MTMR3: variants seen among roughly 807,000 people sequenced by gnomAD.
MTMR3 encodes the protein myotubularin related protein 3.
Under a neutral mutation model 132.4 loss-of-function variants are expected in MTMR3, and 32 were observed. The observed-to-expected ratio is 0.24, with a 90% CI of 0.18 to 0.32. The LOEUF (loss-of-function observed/expected upper bound fraction) is 0.32, where lower values mean the gene tolerates loss of function less well. Ranked by LOEUF, MTMR3 falls within the 10% of genes least tolerant of loss-of-function variation. MTMR3 has a pLI of 1.00. For synonymous variants in MTMR3, 556 were observed against 550.3 expected, an observed-to-expected ratio of 1.01 and a Z score of -0.14; for missense variants, 1,216 against 1,489.6, an observed-to-expected ratio of 0.82 and a Z score of 3.02.
intron 2 of MTMR3, among the ~76,000 whole-genome samples, chr22:29,970,721 C>T (rs1339821132): frequency 6.6e-6 from 1 of 151,844 alleles, no homozygotes; most frequent in Non-Finnish European, 1.5e-5. Context: ...GAATGTTAGC[C>T]TTTGATACTG....
At chr22:29,970,497 CTTTTTT>C (rs11326857) in intron 2 of MTMR3, among the ~76,000 whole-genome samples, 1 of 57,744 alleles carries the variant, frequency 1.7e-5, no homozygotes, top group East Asian at 7.7e-4. Flanking sequence ...CCATGACCAG[CTTTTTT>C]TTTTTTTTTT....
chr22:30,027,565 C>T lies in MTMR3; in HGVS notation c.*1764C>T, dbSNP rs2067935611. The T allele has an allele frequency of 6.5e-6, 1 of 152,746 alleles. No homozygotes were observed. The highest frequency in any genetic ancestry group is 2.4e-5 in the African/African-American group (1 of 41,440). The allele number at this position is 152,746 out of a possible 1,614,324, so 9.5% of individuals were successfully genotyped here. A position where few individuals can be genotyped will look rare whatever the true frequency, so the allele number is the denominator to read the frequency against. ...GGTCTAATTGAAGATTGTGCATTTC[C>T]TAGTGACAGGTGCCAAGAGGTTATG... On this transcript the variant is annotated 3_prime_UTR_variant, in exon 20 of 20. Coordinates refer to ENST00000401950, the MANE Select transcript of MTMR3 (RefSeq NM_021090.4).
intron 7 of MTMR3, chr22:29,994,060 G>A (rs1236308977): frequency 3.4e-5 from 33 of 960,940 alleles, no homozygotes; most frequent in Non-Finnish European, 4.1e-5. Context: ...GCTGATCCAG[G>A]TATCCTGAAG....
At chr22:30,012,777 G>C in intron 13 of MTMR3, 1 of 468,900 alleles carries the variant, frequency 2.1e-6, no homozygotes, top group Non-Finnish European at 3.7e-6. Flanking sequence ...ACAAGGTATT[G>C]AGAATATAGA....
At chr22:29,949,191 G>A (rs575213389) in intron 1 of MTMR3, among the ~76,000 whole-genome samples, 6 of 121,426 alleles carry the variant, frequency 4.9e-5, no homozygotes, top group African/African-American at 1.6e-4. Context: ...ACACACATGC[G>A]TGCGCGTGCA....
chr22:29,955,089 A>G lies in MTMR3; in HGVS notation c.-137-1947A>G, dbSNP rs1230349561. Among the ~76,000 whole-genome samples the G allele has an allele frequency of 2.0e-5, 3 of 152,230 alleles. No homozygotes were observed. In the East Asian group the frequency reaches 5.8e-4, roughly 29 times the overall value. On this transcript the variant is annotated intron_variant, in intron 1 of 19. Transcript: ENST00000401950. The stretch of plus-strand genomic sequence containing the variant: ...ACTGCAGCCTTGACCTCCCGGGCCC[A>G]AGCCATCCTCCCATCTCAGCCTTCT...
At chr22:29,949,530 G>T (rs1306407380) in intron 1 of MTMR3, among the ~76,000 whole-genome samples, 1 of 121,678 alleles carries the variant, frequency 8.2e-6, no homozygotes, top group Non-Finnish European at 1.6e-5. Context: ...AACAACACAC[G>T]TACACATAAA....
At chr22:29,991,714 G>A (rs372381270) in intron 7 of MTMR3, 44 bp downstream of exon 7, 2 of 1,505,840 alleles carry the variant, frequency 1.3e-6, no homozygotes, top group African/African-American at 2.8e-5. Context: ...GCTTTATCAA[G>A]CTACTGATGG....
At chr22:29,979,130 G>A (rs1236561122) in intron 5 of MTMR3, 78 bp downstream of exon 5, 8 of 946,166 alleles carry the variant, frequency 8.5e-6, no homozygotes, top group African/African-American at 1.6e-5. Flanking sequence ...TCAAAGAGAG[G>A]AGAGGCATAC....
At chr22:29,968,136 G>A (rs2066465800) in intron 2 of MTMR3, among the ~76,000 whole-genome samples, 1 of 152,122 alleles carries the variant, frequency 6.6e-6, no homozygotes. Flanking sequence ...GACATATGAT[G>A]ACTCTAAACT....
chr22:29,956,843 C>T (rs1462329527), intron 1 of MTMR3, among the ~76,000 whole-genome samples, 193 bp from the exon 2 acceptor site: 2 of 152,094 alleles, frequency 1.3e-5, no homozygotes, highest in African/African-American at 4.8e-5. Flanking sequence ...TAAGGCTTGA[C>T]TGGGTCTGTT....
chr22:29,906,090 A>T lies in MTMR3; in HGVS notation c.-138+22731A>T, dbSNP rs547064548. On this transcript the variant is annotated intron_variant, in intron 1 of 19. Coordinates refer to ENST00000401950, the MANE Select transcript of MTMR3 (RefSeq NM_021090.4). The stretch of plus-strand genomic sequence containing the variant: ...ACGCTGGCCTTTAACTCCTTGGATC[A>T]AGCAGTCCTCCTGTGTCAGCCTGCC... 2.0e-5 allele frequency among the ~76,000 whole-genome samples: 3 copies of T among 152,124 alleles called. No homozygotes were observed. In the South Asian group the frequency reaches 6.2e-4, roughly 32 times the overall value.
intron 2 of MTMR3, among the ~76,000 whole-genome samples, chr22:29,963,729 A>T (rs1326217887): frequency 1.3e-5 from 2 of 151,806 alleles, no homozygotes; most frequent in Non-Finnish European, 2.9e-5. Flanking sequence ...CATTGTTTAG[A>T]TATGCCACAT....
Position 30,018,145 on chromosome 22 carries a change from T to C in MTMR3, c.1820+73T>C, listed in dbSNP as rs941998203. On this transcript the variant is annotated intron_variant, in intron 16 of 19. Coordinates refer to ENST00000401950, the MANE Select transcript of MTMR3 (RefSeq NM_021090.4). ...TCCTGTGTTGGGACGTGTGCAGGGA[T>C]GGTCAGAGATCATGATGGTATCTGG... is the stretch of plus-strand genomic sequence containing the variant. The C allele has an allele frequency of 2.8e-6, 4 of 1,441,464 alleles. No individual in the cohort carries two copies. The African/African-American group carries it at 4.4e-5, about 16-fold the overall frequency. 89.3% of individuals were successfully genotyped at this position (1,441,464 alleles called of 1,614,324 possible).
chr22:30,022,309 G>A (rs2067781863), intron 18 of MTMR3, 170 bp downstream of exon 18: 2 of 621,426 alleles, frequency 3.2e-6, no homozygotes, highest in South Asian at 3.9e-5. Context: ...TAGGATTTCT[G>A]AGCCAGGGAG....
intron 1 of MTMR3, among the ~76,000 whole-genome samples, chr22:29,919,407 G>A (rs1245810139): frequency 6.6e-6 from 1 of 152,188 alleles, no homozygotes; most frequent in Non-Finnish European, 1.5e-5. Context: ...AGCTGAGAAA[G>A]GAAAGCTTTT....
chr22:29,984,208 TACTGCCATTTTA>T (rs1229901303), intron 5 of MTMR3: 4 of 152,168 alleles, frequency 2.6e-5, no homozygotes, highest in African/African-American at 9.7e-5. Flanking sequence ...TTTACTCTTT[TACTGCCATTTTA>T]ACTTCACGTG....
intron 13 of MTMR3, chr22:30,012,804 GTCTA>G: frequency 2.6e-6 from 1 of 380,700 alleles, no homozygotes; most frequent in East Asian, 4.2e-5. Flanking sequence ...TTCCTTTACA[GTCTA>G]TCTACTTGTA....
chr22:29,939,227 G>C (rs1490372840), intron 1 of MTMR3, among the ~76,000 whole-genome samples: 1 of 152,154 alleles, frequency 6.6e-6, no homozygotes, highest in East Asian at 1.9e-4. Context: ...TTTTACAATG[G>C]TATTTTTGTG....
Sources: gnomAD v4.1 joint callset for allele counts (sites outside exome capture counted in the v4.1 genomes callset) on GRCh38, gnomAD v4.1.1 for gene constraint, MANE v1.5 for transcripts, NCBI Gene and HGNC (gene_info 2026-07-23, HGNC 2026-07-21) for gene names.